Variants in KANK1 observed in about 807,000 individuals in gnomAD.
KANK1 encodes KN motif and ankyrin repeat domain-containing protein 1.
In KANK1, 109 loss-of-function variants were observed where a neutral mutation model predicts 106.2. The ratio of observed to expected loss-of-function variants is 1.03; its 90% confidence interval spans 0.88 to 1.20. The LOEUF is 1.20. Ranked by LOEUF, KANK1 falls within the 50% of genes most tolerant of loss-of-function variation. KANK1 has a pLI of 0.00. For missense variants in KANK1, 2,399 were observed against 1,710.7 expected, an observed-to-expected ratio of 1.40 and a Z score of -7.10; for synonymous variants, 873 against 652.2, an observed-to-expected ratio of 1.34 and a Z score of -5.16.
chr9:473,369 G>A (rs2058052534), intron 3 of KANK1: 1 of 152,214 alleles, frequency 6.6e-6, no homozygotes, highest in South Asian at 2.1e-4. Context: ...CTATTGGATA[G>A]GGGTCTGATT....
At chr9:625,833 C>T (rs1042147447) in intron 1 of KANK1, among the ~76,000 whole-genome samples, 2 of 152,272 alleles carry the variant, frequency 1.3e-5, no homozygotes, top group African/African-American at 4.8e-5. Flanking sequence ...ACAGTTTAGC[C>T]TCTTTCTAGG....
intron 1 of KANK1, among the ~76,000 whole-genome samples, chr9:591,550 G>A (rs566528918): frequency 5.9e-5 from 9 of 151,902 alleles, no homozygotes; most frequent in African/African-American, 2.2e-4. Flanking sequence ...TCTCAGTCCA[G>A]GGAATATGCC....
rs563214986 is a variant in KANK1, at chr9:516,729, A to G, written c.-84+11975A>G. On this transcript the variant is annotated intron_variant, in intron 1 of 11. Coordinates refer to ENST00000382297, the MANE Select transcript of KANK1 (RefSeq NM_015158.5). ...CTAGGTTATACTTCATAGGCATTCAAAAATACTTGTTGAATGAATATGGAT... is the reference window on the plus strand; with the variant it reads ...CTAGGTTATACTTCATAGGCATTCAGAAATACTTGTTGAATGAATATGGAT... Among the ~76,000 whole-genome samples the G allele has an allele frequency of 1.9e-4, 29 of 151,796 alleles. 1 individual carries two copies. Among genetic ancestry groups the G allele is most frequent in the South Asian group, 8.3e-4 (4 of 4,816 alleles).
At chr9:652,911 C>G (rs916394797) in intron 1 of KANK1, among the ~76,000 whole-genome samples, 1 of 152,176 alleles carries the variant, frequency 6.6e-6, no homozygotes, top group Admixed American at 6.5e-5. Flanking sequence ...ACCCTGGGAG[C>G]TGAGTTAGAG....
chr9:713,043 A>G lies in KANK1; in HGVS notation c.2277A>G (p.Ser759=). Residue 759 remains serine, a synonymous_variant, in exon 3 of 12, where the codon TCA becomes TCG. Coordinates refer to ENST00000382297, the MANE Select transcript of KANK1 (RefSeq NM_015158.5). ...DRPSAVKTKE[S]GVGQININDN... ...CATCAGCTGTGAAGACCAAAGAGTC[A>G]GGTGTGGGGCAGATAAATATTAACG... is the stretch of plus-strand genomic sequence containing the variant. 6.2e-7 allele frequency: 1 copy of G among 1,614,174 alleles called. No homozygotes were observed. Among genetic ancestry groups the G allele is most frequent in the South Asian group, 1.1e-5 (1 of 91,068 alleles).
chr9:552,879 T>C (rs1316140617), intron 1 of KANK1, among the ~76,000 whole-genome samples: 5 of 152,208 alleles, frequency 3.3e-5, no homozygotes, highest in Non-Finnish European at 7.3e-5. Context: ...CCGCAGTGGC[T>C]CACGCCTGTA....
chr9:720,221 C>A (rs1031749356), intron 3 of KANK1, among the ~76,000 whole-genome samples: 8 of 152,204 alleles, frequency 5.3e-5, no homozygotes, highest in Admixed American at 2.0e-4. Flanking sequence ...CACAGTTGCC[C>A]ACTCTGCTGT....
At chr9:559,401 T>TTAA (rs372428271) in intron 1 of KANK1, among the ~76,000 whole-genome samples, 3 of 148,870 alleles carry the variant, frequency 2.0e-5, no homozygotes, top group Non-Finnish European at 4.5e-5. Context: ...TTGGAGAGGT[T>TTAA]AAAAAAAAAA....
intron 3 of KANK1, among the ~76,000 whole-genome samples, chr9:474,259 A>G (rs1438532468): frequency 2.6e-5 from 4 of 152,204 alleles, no homozygotes; most frequent in African/African-American, 9.7e-5. Flanking sequence ...AAATAGTGAC[A>G]TTCCCTGGCT....
At chr9:572,663 T>G (rs964871398) in intron 1 of KANK1, among the ~76,000 whole-genome samples, 2 of 152,138 alleles carry the variant, frequency 1.3e-5, no homozygotes, top group Non-Finnish European at 2.9e-5. Context: ...AGCACTGGGA[T>G]TACAATATGG....
At chr9:629,140 GTA>G (rs1253884549) in intron 1 of KANK1, among the ~76,000 whole-genome samples, 1 of 151,480 alleles carries the variant, frequency 6.6e-6, no homozygotes, top group African/African-American at 2.4e-5. Context: ...GTAAAATAAT[GTA>G]TGTTTGTGAT....
At chr9:582,389 T>C (rs1316464140) in intron 1 of KANK1, among the ~76,000 whole-genome samples, 1 of 152,192 alleles carries the variant, frequency 6.6e-6, no homozygotes, top group Non-Finnish European at 1.5e-5. Context: ...CTATAAATCT[T>C]CAGTGAACTA....
At chr9:723,168 G>C (rs1487121550) in intron 3 of KANK1, among the ~76,000 whole-genome samples, 1 of 152,154 alleles carries the variant, frequency 6.6e-6, no homozygotes, top group Non-Finnish European at 1.5e-5. Flanking sequence ...GGACAGAGTG[G>C]AGGAGTAGCT....
intron 5 of KANK1, chr9:732,149 A>G (rs1316710255): frequency 3.7e-5 from 15 of 406,668 alleles, no homozygotes; most frequent in Non-Finnish European, 6.7e-5. Context: ...TTCTTTAACA[A>G]GTGTTACATG....
intron 1 of KANK1, among the ~76,000 whole-genome samples, chr9:510,619 G>C (rs1397261880): frequency 6.6e-6 from 1 of 152,220 alleles, no homozygotes; most frequent in African/African-American, 2.4e-5. Flanking sequence ...TGCATAGGGA[G>C]AGCCCCGGTT....
intron 1 of KANK1, among the ~76,000 whole-genome samples, chr9:569,448 G>C (rs912632458): frequency 6.6e-6 from 1 of 151,986 alleles, no homozygotes; most frequent in African/African-American, 2.4e-5. Flanking sequence ...AAGAGGAAGG[G>C]ACCTGAGCTA....
rs567463791 is a variant in KANK1, at chr9:544,452, C to T, written c.-84+39698C>T. Among the ~76,000 whole-genome samples the T allele has an allele frequency of 1.2e-4, 18 of 152,294 alleles. No homozygotes were observed. In the South Asian group the frequency reaches 2.9e-3, roughly 25 times the overall value. The stretch of plus-strand genomic sequence containing the variant: ...ATTCTGTAGTCTTCGTACTTCTTAT[C>T]TTCACTATTGCTGATGAGCCATAAC... On this transcript the variant is annotated intron_variant, in intron 1 of 11. Coordinates refer to ENST00000382297, the MANE Select transcript of KANK1 (RefSeq NM_015158.5).
At chr9:623,468 T>C (rs1394708128) in intron 1 of KANK1, among the ~76,000 whole-genome samples, 1 of 151,916 alleles carries the variant, frequency 6.6e-6, no homozygotes, top group Admixed American at 6.6e-5. Flanking sequence ...CATGCACCTA[T>C]AGTCTCAGTT....
At chr9:707,101 C>T (rs2130721896) in intron 2 of KANK1, 4 of 985,456 alleles carry the variant, frequency 4.1e-6, no homozygotes, top group Non-Finnish European at 4.8e-6. Flanking sequence ...CCTATGGCAT[C>T]CGAGCGTGGC....
Sources: allele counts gnomAD v4.1 joint callset (sites outside exome capture counted in the v4.1 genomes callset), GRCh38; gene constraint gnomAD v4.1.1; transcripts MANE v1.5; gene names NCBI Gene and HGNC (gene_info 2026-07-23, HGNC 2026-07-21).